DNAH7: variants seen among roughly 807,000 people sequenced by gnomAD.
The protein encoded by DNAH7 is dynein axonemal heavy chain 7, also known as axonemal beta dynein heavy chain 7.
Under a neutral mutation model 444.6 loss-of-function variants are expected in DNAH7, and 397 were observed. The observed-to-expected ratio is 0.89, with a 90% CI of 0.82 to 0.97. The LOEUF (loss-of-function observed/expected upper bound fraction) is 0.97, where lower values mean the gene tolerates loss of function less well. DNAH7 is among the 50% of genes least tolerant of loss of function. The pLI, the probability that DNAH7 is intolerant of heterozygous loss-of-function variation, is 0.00. For missense variants in DNAH7, 4,902 were observed against 4,800.8 expected (o/e 1.02, Z -0.62); for synonymous variants, 1,636 against 1,624.4 (o/e 1.01, Z -0.17).
At position 195,934,682 on chromosome 2, in the gene DNAH7, A is replaced by C; in HGVS notation, c.3380T>G (p.Leu1127Arg). The change falls in exon 21 of 65, where the codon CTC becomes CGC. Residue 1127 changes from leucine (L) to arginine (R), a missense_variant. By Grantham distance (102) the Leu-to-Arg change is moderately radical (BLOSUM62 -2). Coordinates refer to ENST00000312428, the MANE Select transcript of DNAH7 (RefSeq NM_018897.3). ...TTTGGCTGTTGAAATAATCTCTATGAGTTCTACAACCTCTCCTTCGCTGCT... is the reference window on the plus strand; with the variant it reads ...TTTGGCTGTTGAAATAATCTCTATGCGTTCTACAACCTCTCCTTCGCTGCT... ...MKSSEGEVVE[L>R]IEIISTAKAR... 6.2e-7 allele frequency: 1 copy of C among 1,614,126 alleles called. No homozygotes were observed. Among genetic ancestry groups the C allele is most frequent in the Non-Finnish European group, 8.5e-7 (1 of 1,179,978 alleles).
chr2:195,794,837 C>A (rs1194026742), intron 56 of DNAH7, among the ~76,000 whole-genome samples: 1 of 152,178 alleles, frequency 6.6e-6, no homozygotes, highest in Non-Finnish European at 1.5e-5. Context: ...GTTCCCAAAA[C>A]TCTTGTATGT....
intron 61 of DNAH7, among the ~76,000 whole-genome samples, chr2:195,765,695 T>A (rs1004098275): frequency 6.6e-6 from 1 of 152,120 alleles, no homozygotes; most frequent in Non-Finnish European, 1.5e-5. Flanking sequence ...TCGCCCTAGT[T>A]AAAATGGCTT....
chr2:195,944,889 T>G (rs185938384), intron 19 of DNAH7, among the ~76,000 whole-genome samples: 4 of 152,150 alleles, frequency 2.6e-5, no homozygotes, highest in Admixed American at 1.3e-4. Flanking sequence ...TCACCTCCCT[T>G]GTACTTCAAA....
intron 10 of DNAH7, among the ~76,000 whole-genome samples, chr2:196,007,064 G>A (rs905608484): frequency 3.3e-5 from 5 of 151,986 alleles, no homozygotes; most frequent in Non-Finnish European, 7.4e-5. Flanking sequence ...AAATCCCAAT[G>A]GCATTTTTTA....
chr2:195,765,415 A>C (rs1411442552), intron 61 of DNAH7, among the ~76,000 whole-genome samples: 1 of 152,140 alleles, frequency 6.6e-6, no homozygotes, highest in Admixed American at 6.5e-5. Context: ...ATAGCAAAAG[A>C]AGCAATCAAT....
intron 31 of DNAH7, among the ~76,000 whole-genome samples, chr2:195,891,140 T>C (rs1701990501): frequency 6.6e-6 from 1 of 152,220 alleles, no homozygotes; most frequent in Non-Finnish European, 1.5e-5. Flanking sequence ...GGCAAGCCAC[T>C]TGTCTCCTCT....
At chr2:196,064,463 T>G (rs1486877778) in intron 1 of DNAH7, among the ~76,000 whole-genome samples, 3 of 152,236 alleles carry the variant, frequency 2.0e-5, no homozygotes, top group African/African-American at 7.2e-5. Context: ...CTGTGCAGAC[T>G]ATCTATATTT....
rs192372671 is a variant in DNAH7, at chr2:195,787,233, A to G, written c.10717-62T>C. ...CTCCATATATTGCATTATATTTACC[A>G]TATTTTAAAATGAAAGCAAATTTCT... On this transcript the variant is annotated intron_variant, in intron 57 of 64. Transcript: ENST00000312428. The G allele has an allele frequency of 4.2e-3, 6,279 of 1,494,544 alleles. 16 individuals are homozygous for G. Among genetic ancestry groups the G allele is most frequent in the Non-Finnish European group, 5.2e-3 (5,798 of 1,113,616 alleles). 92.6% of individuals were successfully genotyped at this position (1,494,544 alleles called of 1,614,324 possible).
At position 195,908,949 on chromosome 2, in the gene DNAH7, AGTTT is replaced by A. The variant is rs953581520; in HGVS notation, c.4104+1074_4104+1077del. On this transcript the variant is annotated intron_variant, in intron 25 of 64. Transcript: ENST00000312428. Reference sequence around the variant, plus strand: ...GAGGGTTGGTATATTCTATTTTGCTAGTTTGTTTATCTTTTTTAATGTTAACTTT... The same window carrying A: ...GAGGGTTGGTATATTCTATTTTGCTAGTTTATCTTTTTTAATGTTAACTTT... Among the ~76,000 whole-genome samples, 26 of 152,210 alleles carry A rather than the reference AGTTT, an allele frequency of 1.7e-4. No homozygotes were observed. The Middle Eastern group carries it at 0.01, about 60-fold the overall frequency.
chr2:195,880,363 C>T (rs1701303390), intron 36 of DNAH7, among the ~76,000 whole-genome samples: 1 of 143,776 alleles, frequency 7.0e-6, no homozygotes, highest in Non-Finnish European at 1.5e-5. Flanking sequence ...GAGTCTCACT[C>T]TGTCGCCCAG....
At chr2:195,908,670 A>T (rs915180458) in intron 25 of DNAH7, among the ~76,000 whole-genome samples, 1 of 151,936 alleles carries the variant, frequency 6.6e-6, no homozygotes, top group Non-Finnish European at 1.5e-5. Context: ...TTCTTTATCC[A>T]TTTCTCCACT....
chr2:196,037,163 T>C (rs1451705304), intron 5 of DNAH7, among the ~76,000 whole-genome samples: 1 of 152,044 alleles, frequency 6.6e-6, no homozygotes, highest in Non-Finnish European at 1.5e-5. Context: ...AAAGTAATCA[T>C]ACGAACATTA....
At chr2:195,957,746 A>G (rs1690785988) in intron 18 of DNAH7, among the ~76,000 whole-genome samples, 1 of 152,092 alleles carries the variant, frequency 6.6e-6, no homozygotes, top group South Asian at 2.1e-4. Context: ...TCTACAAAAT[A>G]TGTTTAAAGA....
At chr2:195,887,738 G>A (rs1461420423) in intron 33 of DNAH7, among the ~76,000 whole-genome samples, 1 of 152,158 alleles carries the variant, frequency 6.6e-6, no homozygotes, top group East Asian at 1.9e-4. Context: ...CAGCTAGAGA[G>A]AGTTTAAGAG....
chr2:195,747,491 G>T, intron 63 of DNAH7, among the ~76,000 whole-genome samples: 1 of 152,166 alleles, frequency 6.6e-6, no homozygotes, highest in East Asian at 1.9e-4. Context: ...CATTTTATGA[G>T]GCCAGCATCA....
intron 7 of DNAH7, among the ~76,000 whole-genome samples, chr2:196,026,126 C>T (rs569719690): frequency 6.6e-6 from 1 of 152,298 alleles, no homozygotes; most frequent in South Asian, 2.1e-4. Flanking sequence ...AGGACTCTGT[C>T]ACAACTGCTC....
intron 61 of DNAH7, among the ~76,000 whole-genome samples, chr2:195,765,601 A>C (rs1277124827): frequency 3.3e-5 from 5 of 152,194 alleles, no homozygotes. Context: ...GAAGACATAC[A>C]AATGGCAAAA....
In DNAH7 at chr2:195,991,432, A is replaced by G. The variant is rs191038349; in HGVS notation, c.1354-3203T>C. On this transcript the variant is annotated intron_variant, in intron 12 of 64. Transcript: ENST00000312428. ...TTAAATACTGCAATTTTATTTACAG[A>G]TCTATACATAAACAAAAGTGAAAAC... Among the ~76,000 whole-genome samples the G allele has an allele frequency of 9.2e-5, 14 of 152,326 alleles. No individual in the cohort carries two copies. In the East Asian group the frequency reaches 2.7e-3, roughly 29 times the overall value.
chr2:195,936,116 G>A (rs1689033184), intron 20 of DNAH7, among the ~76,000 whole-genome samples: 1 of 152,196 alleles, frequency 6.6e-6, no homozygotes. Flanking sequence ...GCTCACGCCT[G>A]TAATCCCAGC....
Sources: allele counts gnomAD v4.1 joint callset (sites outside exome capture counted in the v4.1 genomes callset), GRCh38; gene constraint gnomAD v4.1.1; transcripts MANE v1.5; gene names NCBI Gene and HGNC (gene_info 2026-07-23, HGNC 2026-07-21).